The following FHIT variants were observed in gnomAD, a reference collection of about 807,000 sequenced individuals.
FHIT encodes the protein bis(5'-adenosyl)-triphosphatase.
Under a neutral mutation model 17.9 loss-of-function variants are expected in FHIT, and 19 were observed. That is an observed-to-expected ratio of 1.06 (90% CI 0.74 to 1.56). The LOEUF (loss-of-function observed/expected upper bound fraction) is 1.56. FHIT is among the 40% of genes most tolerant of loss of function. The probability of loss-of-function intolerance (pLI) is 0.00; values close to 1 mark genes in which losing one functional copy is unlikely to be tolerated. For missense variants in FHIT, 248 were observed against 189.2 expected, an observed-to-expected ratio of 1.31 and a Z score of -1.82; for synonymous variants, 81 against 69.7, an observed-to-expected ratio of 1.16 and a Z score of -0.81.
intron 8 of FHIT, among the ~76,000 whole-genome samples, chr3:59,872,603 A>G (rs528068937): frequency 2.7e-4 from 41 of 152,320 alleles, no homozygotes; most frequent in African/African-American, 9.4e-4. Flanking sequence ...TTGCATAGTG[A>G]GAGTCATATT....
At chr3:59,870,907 T>C (rs1702893199) in intron 8 of FHIT, among the ~76,000 whole-genome samples, 1 of 151,934 alleles carries the variant, frequency 6.6e-6, no homozygotes, top group South Asian at 2.1e-4. Context: ...AACCTCTATT[T>C]ACGGCAGTCT....
chr3:61,050,830 C>T (rs2033998501), intron 2 of FHIT, among the ~76,000 whole-genome samples: 1 of 152,194 alleles, frequency 6.6e-6, no homozygotes, highest in Non-Finnish European at 1.5e-5. Flanking sequence ...GTTGGACCAG[C>T]CCTTTCACTT....
intron 5 of FHIT, among the ~76,000 whole-genome samples, chr3:60,039,502 G>A (rs556942770): frequency 6.6e-6 from 1 of 152,188 alleles, no homozygotes; most frequent in Non-Finnish European, 1.5e-5. Flanking sequence ...ATGGGCAAGA[G>A]AGTCCTTGGA....
intron 3 of FHIT, among the ~76,000 whole-genome samples, chr3:61,020,151 C>T (rs983379613): frequency 2.6e-5 from 4 of 152,172 alleles, no homozygotes; most frequent in Admixed American, 6.5e-5. Flanking sequence ...TACACTCCCA[C>T]CAACAGTGTA....
chr3:60,441,507 T>C (rs948272355), intron 5 of FHIT, among the ~76,000 whole-genome samples: 15 of 151,554 alleles, frequency 9.9e-5, no homozygotes, highest in African/African-American at 3.6e-4. Flanking sequence ...AACTGTTTCT[T>C]TTTTATTTAC....
At chr3:59,921,491 C>T (rs1384272564) in intron 8 of FHIT, among the ~76,000 whole-genome samples, 2 of 152,246 alleles carry the variant, frequency 1.3e-5, no homozygotes, top group African/African-American at 2.4e-5. Flanking sequence ...ATCCAATGCC[C>T]TTGGCAGGCG....
chr3:60,587,759 C>T (rs1347095163), intron 4 of FHIT, among the ~76,000 whole-genome samples: 1 of 151,982 alleles, frequency 6.6e-6, no homozygotes, highest in African/African-American at 2.4e-5. Context: ...TAATGCCAGG[C>T]ACTATGCTAG....
At chr3:60,255,735 G>C (rs1705955499) in intron 5 of FHIT, among the ~76,000 whole-genome samples, 2 of 152,104 alleles carry the variant, frequency 1.3e-5, no homozygotes, top group African/African-American at 4.8e-5. Flanking sequence ...TGAGACATTA[G>C]TCTGCAGCCT....
chr3:60,655,212 A>G (rs1254076151), intron 4 of FHIT, among the ~76,000 whole-genome samples: 1 of 152,196 alleles, frequency 6.6e-6, no homozygotes, highest in African/African-American at 2.4e-5. Context: ...GATTGCATTT[A>G]GGGAGCTCAG....
At chr3:60,648,813 CAG>C (rs1453213494) in intron 4 of FHIT, among the ~76,000 whole-genome samples, 3 of 152,130 alleles carry the variant, frequency 2.0e-5, no homozygotes, top group African/African-American at 7.2e-5. Context: ...TGCCTTAAGC[CAG>C]AGACTCCCTT....
At chr3:60,660,405 G>C (rs1040288874) in intron 4 of FHIT, among the ~76,000 whole-genome samples, 1 of 152,056 alleles carries the variant, frequency 6.6e-6, no homozygotes, top group African/African-American at 2.4e-5. Flanking sequence ...CTGCGAGTGG[G>C]GTATGAGTAG....
At chr3:60,299,854 G>A (rs181548161) in intron 5 of FHIT, among the ~76,000 whole-genome samples, 2 of 152,178 alleles carry the variant, frequency 1.3e-5, no homozygotes, top group East Asian at 1.9e-4. Context: ...TAGGCCACAC[G>A]TTTTTCAATG....
At chr3:60,199,486 G>A (rs865946796) in intron 5 of FHIT, among the ~76,000 whole-genome samples, 2 of 152,098 alleles carry the variant, frequency 1.3e-5, no homozygotes, top group Admixed American at 6.6e-5. Context: ...TCATTTAACT[G>A]TGGGTCCTCA....
At chr3:59,887,497 GTCA>G (rs1235010782) in intron 8 of FHIT, among the ~76,000 whole-genome samples, 1 of 152,168 alleles carries the variant, frequency 6.6e-6, no homozygotes, top group African/African-American at 2.4e-5. Flanking sequence ...AAAACTGCAT[GTCA>G]TGCCATCCTA....
intron 8 of FHIT, among the ~76,000 whole-genome samples, chr3:59,859,722 CAACA>C (rs527551048): frequency 4.7e-4 from 72 of 152,094 alleles, no homozygotes; most frequent in East Asian, 2.7e-3. Flanking sequence ...CTCTGACTCT[CAACA>C]AACAAACAAA....
intron 5 of FHIT, among the ~76,000 whole-genome samples, chr3:60,418,236 G>C (rs764849111): frequency 5.1e-4 from 77 of 151,368 alleles, no homozygotes; most frequent in Middle Eastern, 3.2e-3. Context: ...AATCAAAAAG[G>C]CTTCAGAGAA....
chr3:60,049,759 T>A (rs1701797920), intron 5 of FHIT, among the ~76,000 whole-genome samples: 1 of 152,206 alleles, frequency 6.6e-6, no homozygotes, highest in African/African-American at 2.4e-5. Flanking sequence ...ATTACACATG[T>A]GGTTCACATT....
chr3:60,056,822 T>G (rs1702102882), intron 5 of FHIT, among the ~76,000 whole-genome samples: 1 of 152,202 alleles, frequency 6.6e-6, no homozygotes, highest in African/African-American at 2.4e-5. Context: ...GATAAGGTGT[T>G]TTCAGCAGAG....
intron 8 of FHIT, among the ~76,000 whole-genome samples, chr3:59,905,961 C>G (rs572183801): frequency 1.3e-5 from 2 of 152,250 alleles, no homozygotes; most frequent in African/African-American, 4.8e-5. Flanking sequence ...GGCCTGTTTT[C>G]TGGAAGGTAC....
Sources: gnomAD v4.1 joint callset for allele counts (sites outside exome capture counted in the v4.1 genomes callset) on GRCh38, gnomAD v4.1.1 for gene constraint, MANE v1.5 for transcripts, NCBI Gene and HGNC (gene_info 2026-07-23, HGNC 2026-07-21) for gene names.